The following MCM9 variants were observed in gnomAD, a reference collection of about 807,000 sequenced individuals.
MCM9 encodes minichromosome maintenance 9 homologous recombination repair factor, also known as DNA helicase MCM9.
MCM9 carries 55 observed loss-of-function variants against 72.8 expected under a neutral mutation model. The observed-to-expected ratio is 0.76, with a 90% CI of 0.61 to 0.95. The LOEUF (loss-of-function observed/expected upper bound fraction) is 0.95, where lower values mean the gene tolerates loss of function less well. Ranked by LOEUF, MCM9 falls within the 40% of genes least tolerant of loss-of-function variation. The probability of loss-of-function intolerance (pLI) is 0.00; values close to 1 mark genes in which losing one functional copy is unlikely to be tolerated. For synonymous variants in MCM9, 480 were observed against 503.4 expected, an observed-to-expected ratio of 0.95 and a Z score of 0.62; for missense variants, 1,279 against 1,377.0, an observed-to-expected ratio of 0.93 and a Z score of 1.13.
intron 8 of MCM9, among the ~76,000 whole-genome samples, chr6:118,893,319 T>G (rs1779070536): frequency 6.6e-6 from 1 of 152,190 alleles, no homozygotes; most frequent in African/African-American, 2.4e-5. Context: ...TTTGTGTTCT[T>G]TTTCCCATCT....
intron 9 of MCM9, among the ~76,000 whole-genome samples, chr6:118,835,418 T>A (rs1283867231): frequency 6.6e-6 from 1 of 152,270 alleles, no homozygotes; most frequent in South Asian, 2.1e-4. Context: ...GGGATAGAAT[T>A]GAATCTATAA....
At chr6:118,911,124 T>G (rs1780514930) in intron 8 of MCM9, 3 of 985,442 alleles carry the variant, frequency 3.0e-6, no homozygotes, top group South Asian at 9.4e-5. Context: ...CAAAGGCTTT[T>G]AAGTGTACTT....
At chr6:118,891,326 T>C (rs1053534275) in intron 8 of MCM9, among the ~76,000 whole-genome samples, 9 of 152,184 alleles carry the variant, frequency 5.9e-5, no homozygotes, top group African/African-American at 1.4e-4. Context: ...TCAGTAAGAT[T>C]AGATGCTCAA....
At chr6:118,891,476 C>G (rs1420689813) in intron 8 of MCM9, among the ~76,000 whole-genome samples, 2 of 152,130 alleles carry the variant, frequency 1.3e-5, no homozygotes, top group South Asian at 2.1e-4. Flanking sequence ...AATCCAAGAT[C>G]AAGGTGTTGG....
At chr6:118,856,236 G>T in intron 9 of MCM9, 135 bp downstream of exon 9, 1 of 745,564 alleles carries the variant, frequency 1.3e-6, no homozygotes, top group Non-Finnish European at 2.0e-6. Context: ...AAACTCTAAT[G>T]TGTGTCTTGA....
chr6:118,814,795 G>T lies in MCM9; in HGVS notation c.*29C>A. ...AAGGTCCTCTGTGGAGTTGAAGAAG[G>T]TGAGATTTGACCAGAAAGCTTTTCC... On this transcript the variant is annotated 3_prime_UTR_variant, in exon 14 of 14. Coordinates refer to ENST00000619706, the MANE Select transcript of MCM9 (RefSeq NM_017696.3). 1 of 1,471,540 alleles carries T rather than the reference G, an allele frequency of 6.8e-7. No individual in the cohort carries two copies. Among genetic ancestry groups the T allele is most frequent in the African/African-American group, 1.4e-5 (1 of 70,284 alleles). 91.2% of individuals were successfully genotyped at this position (1,471,540 alleles called of 1,614,324 possible).
At chr6:118,933,181 TAGAAACCAGCTGTCCAAATA>T (rs1246697457) in intron 1 of MCM9, among the ~76,000 whole-genome samples, 1 of 152,036 alleles carries the variant, frequency 6.6e-6, no homozygotes, top group African/African-American at 2.4e-5. Context: ...ACTGGACAGT[TAGAAACCAGCTGTCCAAATA>T]AGAAACACTT....
At chr6:118,818,785 G>A (rs538590192) in intron 13 of MCM9, among the ~76,000 whole-genome samples, 2 of 152,136 alleles carry the variant, frequency 1.3e-5, no homozygotes, top group Non-Finnish European at 2.9e-5. Flanking sequence ...CCATTTGTTT[G>A]TATCCTCTCT....
chr6:118,815,092 A>T lies in MCM9; in HGVS notation c.3164T>A (p.Leu1055Ter). 6.4e-7 allele frequency: 1 copy of T among 1,550,848 alleles called. No individual in the cohort carries two copies. Among genetic ancestry groups the T allele is most frequent in the Non-Finnish European group, 8.7e-7 (1 of 1,147,048 alleles). Residue 1055 changes from leucine to a stop codon, truncating the protein, a stop_gained, in exon 14 of 14, where the codon TTA becomes TAA. Coordinates refer to ENST00000619706, the MANE Select transcript of MCM9 (RefSeq NM_017696.3). LOFTEE classifies it low-confidence loss of function (END_TRUNC). Reference protein sequence around the residue: ...NKSGKVHACTLARLANFCFTP... With the variant: ...NKSGKVHACT The stretch of plus-strand genomic sequence containing the variant: ...AAAGCAGAAGTTTGCCAATCTGGCT[A>T]ATGTGCAGGCATGAACCTTGCCGCT...
At chr6:118,856,650 G>T in intron 8 of MCM9, 105 bp from the exon 9 acceptor site, 1 of 1,235,960 alleles carries the variant, frequency 8.1e-7, no homozygotes, top group Non-Finnish European at 1.1e-6. Flanking sequence ...AGGCTGAGGT[G>T]AGAAGATTTC....
At chr6:118,910,116 CAAAAAAAA>C (rs67533661) in intron 8 of MCM9, among the ~76,000 whole-genome samples, 1 of 110,766 alleles carries the variant, frequency 9.0e-6, no homozygotes, top group Admixed American at 9.0e-5. Flanking sequence ...GACTCTATCT[CAAAAAAAA>C]AAAAAAAAAA....
chr6:118,828,274 G>A (rs1175102651), intron 10 of MCM9, 144 bp from the exon 11 acceptor site: 1 of 651,816 alleles, frequency 1.5e-6, no homozygotes, highest in Non-Finnish European at 2.6e-6. Flanking sequence ...TGTCTGCATA[G>A]CATACAATCA....
intron 9 of MCM9, among the ~76,000 whole-genome samples, chr6:118,829,709 T>G (rs1774400528): frequency 6.6e-6 from 1 of 152,172 alleles, no homozygotes; most frequent in South Asian, 2.1e-4. Context: ...GAACTGAACC[T>G]TTCAAGACCT....
At chr6:118,836,697 T>A (rs977875901) in intron 9 of MCM9, among the ~76,000 whole-genome samples, 9 of 152,174 alleles carry the variant, frequency 5.9e-5, no homozygotes, top group Non-Finnish European at 1.3e-4. Flanking sequence ...TGATATCCCC[T>A]TTATCATTTT....
At chr6:118,833,833 C>T (rs553406070) in intron 9 of MCM9, among the ~76,000 whole-genome samples, 40 of 152,112 alleles carry the variant, frequency 2.6e-4, no homozygotes, top group Non-Finnish European at 4.9e-4. Flanking sequence ...GTTTGCAAGA[C>T]GGAAAGAGTC....
At chr6:118,926,686 G>A (rs1231269031) in intron 3 of MCM9, among the ~76,000 whole-genome samples, 2 of 152,138 alleles carry the variant, frequency 1.3e-5, no homozygotes, top group Admixed American at 6.5e-5. Context: ...ATTAGTTGAT[G>A]GACATTTAGG....
At position 118,860,000 on chromosome 6, in the gene MCM9, T is replaced by TC. The variant is rs540136349; in HGVS notation, c.1151-3456dup. Among the ~76,000 whole-genome samples the TC allele has an allele frequency of 8.5e-5, 13 of 152,258 alleles. No homozygotes were observed. In the South Asian group the frequency reaches 2.7e-3, roughly 32 times the overall value. On this transcript the variant is annotated intron_variant, in intron 8 of 13. Transcript: ENST00000619706. ...CACAGGACTATAGAATCCTTTCCCTTCCCCAACACCTTATCACTGCAATAC... is the reference window on the plus strand; with the variant it reads ...CACAGGACTATAGAATCCTTTCCCTTCCCCCAACACCTTATCACTGCAATAC...
At chr6:118,845,002 G>A (rs1775761325) in intron 9 of MCM9, among the ~76,000 whole-genome samples, 1 of 151,776 alleles carries the variant, frequency 6.6e-6, no homozygotes, top group South Asian at 2.1e-4. Context: ...AGCAGTGATT[G>A]GCACCTGACC....
At chr6:118,927,497 C>T (rs1337479075) in intron 3 of MCM9, among the ~76,000 whole-genome samples, 3 of 151,566 alleles carry the variant, frequency 2.0e-5, no homozygotes, top group East Asian at 3.9e-4. Context: ...CCCAGCTACT[C>T]GGGAGGGTGA....
Sources: allele counts gnomAD v4.1 joint callset (sites outside exome capture counted in the v4.1 genomes callset), GRCh38; gene constraint gnomAD v4.1.1; transcripts MANE v1.5; gene names NCBI Gene and HGNC (gene_info 2026-07-23, HGNC 2026-07-21).